Variants in KLF12 observed in about 807,000 individuals in gnomAD.
KLF12 encodes the protein KLF transcription factor 12.
In KLF12, 9 loss-of-function variants were observed where a neutral mutation model predicts 37.8. The ratio of observed to expected loss-of-function variants is 0.24; its 90% CI spans 0.14 to 0.42. The LOEUF (loss-of-function observed/expected upper bound fraction) is 0.42. KLF12 is among the 10% of genes least tolerant of loss of function. The pLI is 1.00. For missense variants in KLF12, 411 were observed against 516.0 expected (o/e 0.80, Z 1.97); for synonymous variants, 208 against 202.1 (o/e 1.03, Z -0.25).
chr13:74,238,438 C>A, the KLF12 span, among the ~76,000 whole-genome samples: 1 of 138,512 alleles, frequency 7.2e-6, no homozygotes, highest in African/African-American at 3.4e-5. Flanking sequence ...TTGGTATCAG[C>A]ATGATGCTGG....
chr13:74,087,999 CTTA>C (rs1190297606), intron 1 of KLF12, among the ~76,000 whole-genome samples: 1 of 152,070 alleles, frequency 6.6e-6, no homozygotes, highest in Non-Finnish European at 1.5e-5. Flanking sequence ...CCAATATACT[CTTA>C]TTCCTTGAAA....
chr13:74,205,356 A>C, the KLF12 span, among the ~76,000 whole-genome samples: 1 of 152,162 alleles, frequency 6.6e-6, no homozygotes, highest in Non-Finnish European at 1.5e-5. Context: ...AAAGTAACTT[A>C]TTCTCCCAAG....
the KLF12 span, among the ~76,000 whole-genome samples, chr13:74,183,663 A>T: frequency 6.6e-6 from 1 of 152,134 alleles, no homozygotes; most frequent in Non-Finnish European, 1.5e-5. Flanking sequence ...AGCTGGGTGC[A>T]GGTAGCTCAC....
At chr13:73,711,685 A>C (rs1326647162) in intron 7 of KLF12, among the ~76,000 whole-genome samples, 5 of 152,188 alleles carry the variant, frequency 3.3e-5, no homozygotes, top group Non-Finnish European at 7.4e-5. Context: ...AGCTCTGATG[A>C]GATGTACAAG....
intron 1 of KLF12, among the ~76,000 whole-genome samples, chr13:74,120,594 C>G (rs1050321087): frequency 8.6e-5 from 13 of 151,954 alleles, no homozygotes; most frequent in African/African-American, 2.9e-4. Context: ...AACCCTGGAA[C>G]TAGCAAAAAT....
At chr13:74,194,373 T>TA in the KLF12 span, among the ~76,000 whole-genome samples, 1 of 152,204 alleles carries the variant, frequency 6.6e-6, no homozygotes, top group Non-Finnish European at 1.5e-5. Flanking sequence ...GGGTAATTTA[T>TA]AAAAAAGAGA....
intron 3 of KLF12, among the ~76,000 whole-genome samples, chr13:73,850,937 T>C (rs1185044906): frequency 3.9e-5 from 6 of 152,238 alleles, no homozygotes; most frequent in Non-Finnish European, 7.3e-5. Flanking sequence ...TGTGATATTA[T>C]ACAAAGAAAA....
At chr13:73,813,335 G>A (rs781074381) in intron 4 of KLF12, 48 bp from the exon 5 acceptor site, 34 of 1,604,772 alleles carry the variant, frequency 2.1e-5, no homozygotes, top group Non-Finnish European at 2.5e-5. Flanking sequence ...TGCGCAGAAA[G>A]TTAACCTTGT....
At chr13:74,130,093 T>C (rs1002754250) in intron 1 of KLF12, among the ~76,000 whole-genome samples, 1 of 152,228 alleles carries the variant, frequency 6.6e-6, no homozygotes, top group African/African-American at 2.4e-5. Flanking sequence ...ATCTGTTTAC[T>C]TGCTTGCTTT....
chr13:73,743,290 T>C (rs1249606170), intron 6 of KLF12, among the ~76,000 whole-genome samples: 1 of 152,196 alleles, frequency 6.6e-6, no homozygotes, highest in Non-Finnish European at 1.5e-5. Flanking sequence ...TATTCATCTA[T>C]GAATAACATA....
chr13:73,960,201 T>G, intron 2 of KLF12, among the ~76,000 whole-genome samples: 1 of 152,144 alleles, frequency 6.6e-6, no homozygotes, highest in East Asian at 1.9e-4. Context: ...AATATTTATA[T>G]ATTAAATATG....
chr13:74,125,919 G>C (rs905053755), intron 1 of KLF12, among the ~76,000 whole-genome samples: 1 of 152,166 alleles, frequency 6.6e-6, no homozygotes, highest in African/African-American at 2.4e-5. Flanking sequence ...AGTAACACAA[G>C]GGGAAAGTCC....
intron 1 of KLF12, among the ~76,000 whole-genome samples, chr13:74,058,933 C>A (rs1404433810): frequency 4.6e-5 from 7 of 152,196 alleles, no homozygotes; most frequent in Non-Finnish European, 1.0e-4. Context: ...GGTAATTTTT[C>A]AGCCCTATTC....
intron 5 of KLF12, among the ~76,000 whole-genome samples, chr13:73,777,411 A>T (rs1181717531): frequency 6.6e-6 from 1 of 152,186 alleles, no homozygotes; most frequent in East Asian, 1.9e-4. Flanking sequence ...ATAGTGTCAT[A>T]TAAGAATTCA....
At chr13:74,075,494 C>T (rs1874510553) in intron 1 of KLF12, among the ~76,000 whole-genome samples, 1 of 152,188 alleles carries the variant, frequency 6.6e-6, no homozygotes, top group African/African-American at 2.4e-5. Flanking sequence ...AAATTACAAT[C>T]TCTGGGGAGT....
the KLF12 span, among the ~76,000 whole-genome samples, chr13:74,173,778 T>C: frequency 6.6e-6 from 1 of 152,234 alleles, no homozygotes. Context: ...TTCTCCTTTA[T>C]GGCAATACTG....
At chr13:74,088,684 T>C (rs752411316) in intron 1 of KLF12, among the ~76,000 whole-genome samples, 3 of 152,212 alleles carry the variant, frequency 2.0e-5, no homozygotes, top group Non-Finnish European at 2.9e-5. Context: ...GGTTACTATC[T>C]GCCCTCTGCC....
chr13:73,752,607 G>A (rs373963578), intron 6 of KLF12, among the ~76,000 whole-genome samples: 1 of 152,070 alleles, frequency 6.6e-6, no homozygotes, highest in African/African-American at 2.4e-5. Context: ...TTTTCAGAAC[G>A]CATCCTAGTT....
At chr13:74,033,739 G>A (rs1032258485) in intron 1 of KLF12, among the ~76,000 whole-genome samples, 2 of 152,056 alleles carry the variant, frequency 1.3e-5, no homozygotes, top group Admixed American at 1.3e-4. Context: ...ATAATCTGAT[G>A]AGAATAATTG....
Sources: allele counts gnomAD v4.1 joint callset (sites outside exome capture counted in the v4.1 genomes callset), GRCh38; gene constraint gnomAD v4.1.1; transcripts MANE v1.5; gene names NCBI Gene and HGNC (gene_info 2026-07-23, HGNC 2026-07-21).